Variants in BNC2 observed in about 807,000 individuals in gnomAD.
BNC2 encodes the protein basonuclin zinc finger protein 2.
A neutral mutation model predicts 76.3 loss-of-function variants in BNC2; 20 were observed. The ratio of observed to expected loss-of-function variants is 0.26; its 90% confidence interval spans 0.18 to 0.38. BNC2 has a LOEUF of 0.38. BNC2 is among the 10% of genes least tolerant of loss of function. The pLI is 1.00. For synonymous variants in BNC2, 582 were observed against 514.8 expected, an observed-to-expected ratio of 1.13 and a Z score of -1.77; for missense variants, 1,382 against 1,399.8, an observed-to-expected ratio of 0.99 and a Z score of 0.20.
chr9:16,437,497 A>G lies in BNC2; in HGVS notation c.697T>C (p.Trp233Arg), dbSNP rs1474136340. 1.5e-5 allele frequency: 24 copies of G among 1,613,242 alleles called. No individual in the cohort carries two copies. Among genetic ancestry groups the G allele is most frequent in the Non-Finnish European group, 1.9e-5 (23 of 1,180,002 alleles). ...QDAAGKVLDRWAIMSREEEII... is the reference protein window; with the variant it reads ...QDAAGKVLDRRAIMSREEEII... ...TCCTCTTCTCGAGACATGATGGCCC[A>G]GCGGTCCAGCACCTTGCCAGCAGCA... The change falls in exon 6 of 7, where the codon TGG (tryptophan) becomes CGG (arginine). Residue 233 changes from tryptophan to arginine, a missense_variant. Physicochemically the swap from Trp to Arg is moderately radical, Grantham distance 101 (BLOSUM62 -3). Around this residue, in one of 3 missense-constraint regions of BNC2, gnomAD observed 557 missense variants for 540.9 expected, o/e 1.03. Coordinates refer to ENST00000380672, the MANE Select transcript of BNC2 (RefSeq NM_017637.6).
intron 4 of BNC2, among the ~76,000 whole-genome samples, chr9:16,582,757 G>T (rs1035907989): frequency 6.6e-6 from 1 of 152,162 alleles, no homozygotes; most frequent in Non-Finnish European, 1.5e-5. Flanking sequence ...AAACATCTTG[G>T]CCTTCTGCTG....
At chr9:16,788,653 G>A (rs1826378200) in intron 1 of BNC2, among the ~76,000 whole-genome samples, 1 of 151,960 alleles carries the variant, frequency 6.6e-6, no homozygotes, top group South Asian at 2.1e-4. Flanking sequence ...AATTCTTGGT[G>A]GTGATATGGT....
intron 1 of BNC2, among the ~76,000 whole-genome samples, chr9:16,809,702 C>G (rs905462992): frequency 6.6e-6 from 1 of 152,014 alleles, no homozygotes; most frequent in Admixed American, 6.6e-5. Context: ...TGCTTGAACT[C>G]TGCAAGCAGA....
intron 5 of BNC2, among the ~76,000 whole-genome samples, chr9:16,530,511 G>C (rs1329800446): frequency 6.6e-6 from 1 of 152,180 alleles, no homozygotes; most frequent in Non-Finnish European, 1.5e-5. Context: ...CTGTCTAGGA[G>C]AGAGGGCGAT....
At chr9:16,724,863 T>C (rs547415515) in intron 3 of BNC2, among the ~76,000 whole-genome samples, 131 of 152,242 alleles carry the variant, frequency 8.6e-4, no homozygotes, top group African/African-American at 3.1e-3. Flanking sequence ...TGTAACTCAG[T>C]TTTGAAACCT....
At chr9:16,432,035 T>C (rs1820919547) in intron 6 of BNC2, among the ~76,000 whole-genome samples, 1 of 152,318 alleles carries the variant, frequency 6.6e-6, no homozygotes, top group Non-Finnish European at 1.5e-5. Context: ...CAGAGTTCTT[T>C]ACAGAGAAAA....
chr9:16,664,235 CA>C (rs1191851656), intron 3 of BNC2, among the ~76,000 whole-genome samples: 3 of 152,170 alleles, frequency 2.0e-5, no homozygotes, highest in Admixed American at 6.5e-5. Flanking sequence ...AAACATACTT[CA>C]GAGTCCCAAG....
chr9:16,669,210 C>T (rs1161760513), intron 3 of BNC2, among the ~76,000 whole-genome samples: 1 of 152,110 alleles, frequency 6.6e-6, no homozygotes, highest in African/African-American at 2.4e-5. Flanking sequence ...TGGAAAGCAA[C>T]TGCCATATAT....
chr9:16,558,601 C>A (rs1818910024), intron 4 of BNC2, among the ~76,000 whole-genome samples: 1 of 152,126 alleles, frequency 6.6e-6, no homozygotes, highest in South Asian at 2.1e-4. Context: ...AGTTCTATTA[C>A]AACTACCCTT....
intron 1 of BNC2, among the ~76,000 whole-genome samples, chr9:16,855,255 C>A (rs1285096488): frequency 6.6e-6 from 1 of 151,986 alleles, no homozygotes; most frequent in Admixed American, 6.6e-5. Flanking sequence ...CTTCATATGC[C>A]AGAGGAAGAC....
At chr9:16,849,473 C>T (rs569865061) in intron 1 of BNC2, among the ~76,000 whole-genome samples, 1 of 151,450 alleles carries the variant, frequency 6.6e-6, no homozygotes, top group African/African-American at 2.4e-5. Context: ...AGTCTCCTGC[C>T]TCAGCCCCCA....
chr9:16,786,052 T>C (rs762766803), intron 1 of BNC2, among the ~76,000 whole-genome samples: 4 of 152,076 alleles, frequency 2.6e-5, no homozygotes, highest in Non-Finnish European at 5.9e-5. Context: ...GTAAACTTTC[T>C]GGACAGCACC....
At chr9:16,745,020 G>A (rs943996587) in intron 1 of BNC2, among the ~76,000 whole-genome samples, 15 of 152,276 alleles carry the variant, frequency 9.9e-5, no homozygotes, top group Middle Eastern at 3.4e-3. Flanking sequence ...GTTCTGCAGC[G>A]CAATTTCTTG....
At chr9:16,702,976 G>C (rs1823559030) in intron 3 of BNC2, among the ~76,000 whole-genome samples, 1 of 152,144 alleles carries the variant, frequency 6.6e-6, no homozygotes, top group African/African-American at 2.4e-5. Flanking sequence ...GGCACAATGG[G>C]AACAGGAAAA....
rs544983790 is a variant in BNC2, at chr9:16,708,966, C to G, written c.330+18831G>C. On this transcript the variant is annotated intron_variant, in intron 3 of 6. Coordinates refer to ENST00000380672, the MANE Select transcript of BNC2 (RefSeq NM_017637.6). The stretch of plus-strand genomic sequence containing the variant: ...GAGGGAATAATGTGTTAATTTATAA[C>G]GCTTCACCCTATACACTTGGATTAT... 2.0e-5 allele frequency among the ~76,000 whole-genome samples: 3 copies of G among 152,224 alleles called. No individual in the cohort carries two copies. In the East Asian group the frequency reaches 5.8e-4, roughly 29 times the overall value.
In BNC2 at chr9:16,418,051, C is replaced by G. The variant is rs974115570; in HGVS notation, c.*938G>C. 2.0e-5 allele frequency: 3 copies of G among 152,510 alleles called. No individual in the cohort carries two copies. The highest frequency in any genetic ancestry group is 7.2e-5 in the African/African-American group (3 of 41,402). 9.4% of individuals were successfully genotyped at this position (152,510 alleles called of 1,614,324 possible). A position where few individuals can be genotyped will look rare whatever the true frequency, so the allele number is the denominator to read the frequency against. On this transcript the variant is annotated 3_prime_UTR_variant, in exon 7 of 7. Coordinates refer to ENST00000380672, the MANE Select transcript of BNC2 (RefSeq NM_017637.6). ...TTTGGCATTTGTGCCCTATACTGAC[C>G]AGACCATTTTTATACAAGTGAATTT... is the stretch of plus-strand genomic sequence containing the variant.
intron 4 of BNC2, among the ~76,000 whole-genome samples, chr9:16,561,754 G>A (rs578212747): frequency 6.6e-6 from 1 of 152,262 alleles, no homozygotes; most frequent in East Asian, 1.9e-4. Flanking sequence ...TGTAAATCCA[G>A]CACTTTTGAG....
chr9:16,789,781 T>C (rs76727276), intron 1 of BNC2, among the ~76,000 whole-genome samples: 2,638 of 152,330 alleles, frequency 0.017, 86 homozygotes, highest in African/African-American at 0.06. Context: ...AGAAACGAAC[T>C]ACTATTCATT....
intron 5 of BNC2, among the ~76,000 whole-genome samples, chr9:16,502,540 T>G (rs2131802115): frequency 6.6e-6 from 1 of 151,026 alleles, no homozygotes; most frequent in East Asian, 2.1e-4. Context: ...CACTGTTTTG[T>G]TTTGTCTTTT....
Sources: allele counts gnomAD v4.1 joint callset (sites outside exome capture counted in the v4.1 genomes callset), GRCh38; gene constraint gnomAD v4.1.1; regional missense constraint gnomAD v4.1.1; transcripts MANE v1.5; gene names NCBI Gene and HGNC (gene_info 2026-07-23, HGNC 2026-07-21).